The following VTA1 variants were observed in gnomAD, a reference collection of about 807,000 sequenced individuals.
The protein encoded by VTA1 is vesicle trafficking 1.
VTA1 carries 24 observed loss-of-function variants against 36.9 expected under a neutral mutation model. That is an observed-to-expected ratio of 0.65 (90% CI 0.47 to 0.91). The LOEUF (loss-of-function observed/expected upper bound fraction) is 0.91, where lower values mean the gene tolerates loss of function less well. Among genes scored for constraint, VTA1 ranks in the 40% least tolerant of loss-of-function variants. The pLI is 0.00. For missense variants in VTA1, 393 were observed against 377.2 expected, an observed-to-expected ratio of 1.04 and a Z score of -0.35; for synonymous variants, 142 against 130.2, an observed-to-expected ratio of 1.09 and a Z score of -0.62.
intron 5 of VTA1, among the ~76,000 whole-genome samples, chr6:142,191,274 G>GT (rs1775450241): frequency 6.6e-6 from 1 of 151,980 alleles, no homozygotes; most frequent in Admixed American, 6.5e-5. Context: ...CCAACTAGCT[G>GT]TTTTACTTTT....
intron 5 of VTA1, among the ~76,000 whole-genome samples, chr6:142,190,801 T>G (rs943437079): frequency 2.0e-5 from 3 of 152,198 alleles, no homozygotes; most frequent in Non-Finnish European, 4.4e-5. Flanking sequence ...TTGCAGCTGT[T>G]TAGCTCTGCT....
At chr6:142,175,605 GTCT>G (rs1367201242) in intron 4 of VTA1, among the ~76,000 whole-genome samples, 1 of 151,896 alleles carries the variant, frequency 6.6e-6, no homozygotes, top group African/African-American at 2.4e-5. Context: ...AGGGGGCTTT[GTCT>G]TCTTGATTAG....
intron 1 of VTA1, among the ~76,000 whole-genome samples, chr6:142,156,444 T>G (rs1778663708): frequency 6.6e-6 from 1 of 152,182 alleles, no homozygotes; most frequent in Non-Finnish European, 1.5e-5. Flanking sequence ...GAGCTCCATC[T>G]CTTTATTTTT....
intron 1 of VTA1, among the ~76,000 whole-genome samples, chr6:142,154,973 T>A (rs1368531162): frequency 6.6e-6 from 1 of 152,048 alleles, no homozygotes; most frequent in African/African-American, 2.4e-5. Context: ...TTTAAAAAAA[T>A]CATTGATACA....
intron 7 of VTA1, among the ~76,000 whole-genome samples, chr6:142,210,557 A>T (rs1775884049): frequency 6.6e-6 from 1 of 152,248 alleles, no homozygotes; most frequent in South Asian, 2.1e-4. Flanking sequence ...ACCAGAATAT[A>T]TAAGGAACTC....
intron 1 of VTA1, among the ~76,000 whole-genome samples, chr6:142,157,812 G>GT (rs1465721328): frequency 6.8e-6 from 1 of 147,060 alleles, no homozygotes. Flanking sequence ...CATTTTTTAT[G>GT]TTTTTTTATA....
At chr6:142,206,549 C>G (rs1028944516) in intron 7 of VTA1, among the ~76,000 whole-genome samples, 3 of 152,110 alleles carry the variant, frequency 2.0e-5, no homozygotes, top group African/African-American at 7.2e-5. Flanking sequence ...ATGGACAGTT[C>G]CCATCAAAAT....
rs369719760 is a variant in VTA1 at position 142,181,177 on chromosome 6, A to G, written c.412-8249A>G. 3.7e-4 allele frequency among the ~76,000 whole-genome samples: 50 copies of G among 135,258 alleles called. No individual in the cohort carries two copies. The East Asian group carries it at 8.8e-3, about 24-fold the overall frequency. 88.7% of individuals were successfully genotyped at this position (135,258 alleles called of 152,430 possible). On this transcript the variant is annotated intron_variant, in intron 4 of 7. Coordinates refer to ENST00000367630, the MANE Select transcript of VTA1 (RefSeq NM_016485.5). ...GATACGGAGTCTCGCTCTGTTGCCC[A>G]GGGTGGAGTGCAGTGGCGCGATCTC...
At chr6:142,149,903 G>T (rs1413746145) in intron 1 of VTA1, among the ~76,000 whole-genome samples, 1 of 152,006 alleles carries the variant, frequency 6.6e-6, no homozygotes, top group Non-Finnish European at 1.5e-5. Flanking sequence ...AGTTTGATTA[G>T]ACATGTTTTG....
intron 7 of VTA1, among the ~76,000 whole-genome samples, chr6:142,208,372 A>G (rs111981150): frequency 2.0e-5 from 3 of 152,128 alleles, no homozygotes; most frequent in African/African-American, 7.2e-5. Flanking sequence ...AAGACCAGCT[A>G]TTTGAAAATA....
chr6:142,194,637 G>GA (rs1256026117), intron 5 of VTA1, among the ~76,000 whole-genome samples: 2 of 151,998 alleles, frequency 1.3e-5, no homozygotes, highest in Non-Finnish European at 2.9e-5. Flanking sequence ...TATTGATTCT[G>GA]ATAATTACTT....
chr6:142,174,388 A>G (rs1217132605), intron 4 of VTA1, among the ~76,000 whole-genome samples: 1 of 151,924 alleles, frequency 6.6e-6, no homozygotes, highest in East Asian at 1.9e-4. Context: ...TTTTTTGGGC[A>G]GTTTCTCCCT....
At chr6:142,176,157 A>G (rs550121274) in intron 4 of VTA1, among the ~76,000 whole-genome samples, 1 of 152,266 alleles carries the variant, frequency 6.6e-6, no homozygotes, top group Admixed American at 6.5e-5. Flanking sequence ...ATTGTATTTT[A>G]GATTCATTTC....
intron 1 of VTA1, among the ~76,000 whole-genome samples, chr6:142,149,957 T>C (rs1295480298): frequency 6.6e-6 from 1 of 152,222 alleles, no homozygotes; most frequent in East Asian, 1.9e-4. Context: ...TCTGTCATTT[T>C]TTTTTATCTC....
chr6:142,158,576 T>C (rs1433858970), intron 1 of VTA1, among the ~76,000 whole-genome samples: 1 of 152,238 alleles, frequency 6.6e-6, no homozygotes, highest in Non-Finnish European at 1.5e-5. Context: ...CTTATGTTTT[T>C]ATCCATTATA....
At chr6:142,198,350 C>T in intron 5 of VTA1, 89 bp from the exon 6 acceptor site, 1 of 1,220,766 alleles carries the variant, frequency 8.2e-7, no homozygotes, top group South Asian at 2.2e-5. Context: ...TTTAAAGATT[C>T]CATTTGTCAT....
At chr6:142,153,881 T>TA (rs778170604) in intron 1 of VTA1, among the ~76,000 whole-genome samples, 3 of 152,152 alleles carry the variant, frequency 2.0e-5, no homozygotes, top group Non-Finnish European at 4.4e-5. Flanking sequence ...TAAGAAATAT[T>TA]ACAGAGAGAT....
intron 7 of VTA1, among the ~76,000 whole-genome samples, 186 bp from the exon 8 acceptor site, chr6:142,218,312 A>G (rs984516782): frequency 6.6e-6 from 1 of 152,170 alleles, no homozygotes; most frequent in African/African-American, 2.4e-5. Flanking sequence ...TGTGGTTTAT[A>G]TTAGTAATAA....
At chr6:142,159,402 A>G (rs532098997) in intron 1 of VTA1, among the ~76,000 whole-genome samples, 5 of 151,750 alleles carry the variant, frequency 3.3e-5, no homozygotes, top group African/African-American at 4.8e-5. Flanking sequence ...TTATATTGCA[A>G]TGTTCCAGAG....
Sources: gnomAD v4.1 joint callset for allele counts (sites outside exome capture counted in the v4.1 genomes callset) on GRCh38, gnomAD v4.1.1 for gene constraint, MANE v1.5 for transcripts, NCBI Gene and HGNC (gene_info 2026-07-23, HGNC 2026-07-21) for gene names.